Variants in RHPN2 observed in about 807,000 individuals in gnomAD.
RHPN2 encodes rhophilin Rho GTPase binding protein 2, also known as rhophilin-2.
A neutral mutation model predicts 79.0 loss-of-function variants in RHPN2; 40 were observed. The ratio of observed to expected loss-of-function variants is 0.51; its 90% CI spans 0.39 to 0.66. RHPN2 has a LOEUF of 0.66. RHPN2 is among the 30% of genes least tolerant of loss of function. The pLI is 0.00. For missense variants in RHPN2, 686 were observed against 883.5 expected (o/e 0.78, Z 2.83); for synonymous variants, 285 against 363.5 (o/e 0.78, Z 2.46).
At chr19:33,008,226 T>C (rs1441535016) in intron 6 of RHPN2, 46 bp from the exon 7 acceptor site, 1 of 1,589,916 alleles carries the variant, frequency 6.3e-7, no homozygotes, top group Non-Finnish European at 8.6e-7. Flanking sequence ...ACTTGGCTAG[T>C]TAATGCTACA....
chr19:33,030,867 C>T (rs945800597), intron 2 of RHPN2, among the ~76,000 whole-genome samples: 12 of 152,190 alleles, frequency 7.9e-5, no homozygotes, highest in African/African-American at 1.7e-4. Context: ...AGTAGGGGCT[C>T]GGTCCCACAA....
intron 1 of RHPN2, among the ~76,000 whole-genome samples, chr19:33,064,476 TGGC>T (rs959773655): frequency 9.1e-6 from 1 of 109,620 alleles, no homozygotes; most frequent in Non-Finnish European, 2.0e-5. Context: ...AAGCGAGGGG[TGGC>T]GGGGGGTGGG....
intron 7 of RHPN2, among the ~76,000 whole-genome samples, chr19:33,006,764 G>C (rs1452775999): frequency 6.6e-6 from 1 of 152,218 alleles, no homozygotes; most frequent in Non-Finnish European, 1.5e-5. Context: ...TCCTCTATAG[G>C]TGTAAGCACT....
At chr19:33,033,776 A>C (rs1972031150) in intron 2 of RHPN2, among the ~76,000 whole-genome samples, 1 of 151,796 alleles carries the variant, frequency 6.6e-6, no homozygotes, top group Non-Finnish European at 1.5e-5. Flanking sequence ...CTGAGGCAGG[A>C]GACTCGCTTG....
chr19:33,008,297 G>T (rs1056480713), intron 6 of RHPN2, 117 bp from the exon 7 acceptor site: 184 of 1,038,552 alleles, frequency 1.8e-4, no homozygotes, highest in Admixed American at 8.4e-5. Context: ...TGTTGCCCAG[G>T]CTGGAGTGCA....
chr19:32,998,619 C>T (rs1439078777), intron 10 of RHPN2, among the ~76,000 whole-genome samples: 1 of 151,112 alleles, frequency 6.6e-6, no homozygotes, highest in Non-Finnish European at 1.5e-5. Flanking sequence ...TGCACTGCAG[C>T]CTGGGGGACA....
At chr19:33,022,958 G>A (rs1479477143) in intron 3 of RHPN2, among the ~76,000 whole-genome samples, 3 of 152,122 alleles carry the variant, frequency 2.0e-5, no homozygotes, top group Admixed American at 6.6e-5. Context: ...GAGGAGGAGC[G>A]AGTGTCCTGA....
chr19:33,016,875 G>C (rs10405768), intron 4 of RHPN2, among the ~76,000 whole-genome samples: 1 of 151,922 alleles, frequency 6.6e-6, no homozygotes, highest in Non-Finnish European at 1.5e-5. Context: ...TCCGTCAAAC[G>C]TTCTCATTTT....
At position 33,026,610 on chromosome 19, in the gene RHPN2, G is replaced by C. The variant is rs751789809; in HGVS notation, c.208C>G (p.Arg70Gly). ...CTCAGCTCCAGCCGCACTTGCTCCC[G>C]CACCTTTGAGTTTGTGGCCACTCTG... ...LLKVATNSKV[R>G]EQVRLELSFV... Residue 70 changes from arginine (R) to glycine (G), a missense_variant, in exon 3 of 15, where the codon CGG becomes GGG. By Grantham distance (125) the Arg-to-Gly change is moderately radical. Transcript: ENST00000254260. 12 of 1,607,482 alleles carry C rather than the reference G, an allele frequency of 7.5e-6. No individual in the cohort carries two copies. The highest frequency in any genetic ancestry group is 1.7e-5 in the Admixed American group (1 of 59,920).
At chr19:33,018,377 C>G (rs772201250) in intron 4 of RHPN2, among the ~76,000 whole-genome samples, 1 of 152,028 alleles carries the variant, frequency 6.6e-6, no homozygotes, top group Non-Finnish European at 1.5e-5. Context: ...TTCTGTTGCC[C>G]AGGCTGGTCT....
Position 33,046,881 on chromosome 19 carries a change from G to T in RHPN2, c.70-2517C>A, listed in dbSNP as rs548298994. 2.0e-4 allele frequency among the ~76,000 whole-genome samples: 31 copies of T among 151,720 alleles called. No individual in the cohort carries two copies. The South Asian group carries it at 6.5e-3, about 32-fold the overall frequency. ...GCCCATTTTTTTTTTTTGAAACAGG[G>T]TCTCAGTCTGTCACCCAGACTGGAC... On this transcript the variant is annotated intron_variant, in intron 1 of 14. Transcript: ENST00000254260.
intron 2 of RHPN2, among the ~76,000 whole-genome samples, chr19:33,031,932 A>G (rs892757809): frequency 6.8e-6 from 1 of 147,230 alleles, no homozygotes; most frequent in African/African-American, 2.5e-5. Context: ...GTTAGCCAGG[A>G]TGGTCTTGAT....
At chr19:33,018,116 G>A (rs1971892690) in intron 4 of RHPN2, among the ~76,000 whole-genome samples, 1 of 152,086 alleles carries the variant, frequency 6.6e-6, no homozygotes, top group Non-Finnish European at 1.5e-5. Context: ...TCACGCCACT[G>A]CACTCTAGCC....
intron 12 of RHPN2, among the ~76,000 whole-genome samples, chr19:32,993,269 G>A (rs1206144218): frequency 6.6e-6 from 1 of 152,142 alleles, no homozygotes; most frequent in East Asian, 1.9e-4. Flanking sequence ...GAGCCCAGGA[G>A]TTCAAGATCA....
chr19:33,018,644 G>A (rs1227612782), intron 4 of RHPN2, among the ~76,000 whole-genome samples: 2 of 152,074 alleles, frequency 1.3e-5, no homozygotes, highest in African/African-American at 4.8e-5. Context: ...CAAACTCACA[G>A]GATTTAAACA....
chr19:32,985,796 T>C (rs578242527), intron 14 of RHPN2, among the ~76,000 whole-genome samples: 5 of 152,194 alleles, frequency 3.3e-5, no homozygotes. Flanking sequence ...CACATCCTGC[T>C]AATTTTTGTA....
chr19:33,035,183 T>C (rs1972046623), intron 2 of RHPN2, among the ~76,000 whole-genome samples: 1 of 152,102 alleles, frequency 6.6e-6, no homozygotes, highest in Non-Finnish European at 1.5e-5. Flanking sequence ...GCCAGGCTAG[T>C]CTTGAACTCC....
At chr19:32,993,894 C>T in intron 12 of RHPN2, 83 bp downstream of exon 12, 5 of 990,814 alleles carry the variant, frequency 5.0e-6, no homozygotes, top group Non-Finnish European at 8.1e-6. Flanking sequence ...GTTATAGCAG[C>T]CCACATGGAC....
At chr19:32,983,428 C>T (rs1450172379) in intron 14 of RHPN2, among the ~76,000 whole-genome samples, 1 of 151,648 alleles carries the variant, frequency 6.6e-6, no homozygotes, top group Non-Finnish European at 1.5e-5. Context: ...AGGAGAATGG[C>T]ATGAACCAGG....
Sources: gnomAD v4.1 joint callset for allele counts (sites outside exome capture counted in the v4.1 genomes callset) on GRCh38, gnomAD v4.1.1 for gene constraint, MANE v1.5 for transcripts, NCBI Gene and HGNC (gene_info 2026-07-23, HGNC 2026-07-21) for gene names.